Variants in TCEANC2 observed in about 807,000 individuals in gnomAD.
TCEANC2 encodes the protein transcription elongation factor A N-terminal and central domain containing 2.
A neutral mutation model predicts 22.8 loss-of-function variants in TCEANC2; 20 were observed. The observed-to-expected ratio is 0.88, with a 90% CI of 0.62 to 1.28. TCEANC2 has a LOEUF of 1.28. Ranked by LOEUF, TCEANC2 falls within the 50% of genes most tolerant of loss-of-function variation. The pLI is 0.00. For missense variants in TCEANC2, 251 were observed against 249.7 expected (o/e 1.01, Z -0.03); for synonymous variants, 84 against 95.5 (o/e 0.88, Z 0.70).
chr1:54,070,670 A>T (rs1658039677), intron 3 of TCEANC2, among the ~76,000 whole-genome samples: 2 of 152,204 alleles, frequency 1.3e-5, no homozygotes, highest in South Asian at 4.1e-4. Flanking sequence ...TTATAGTTAC[A>T]TCAGTTGCTA....
Position 54,054,543 on chromosome 1 carries a change from C to A in TCEANC2, c.102+19C>A, listed in dbSNP as rs1296554635. On this transcript the variant is annotated intron_variant, in intron 2 of 4. Transcript: ENST00000234827. ...TCTGAAGGTGAGAGGGGATCTGGGG[C>A]TAGAGGAAATGTGCAAAGGACTGAT... 2 of 1,604,548 alleles carry A rather than the reference C, an allele frequency of 1.2e-6. No individual in the cohort carries two copies. Among genetic ancestry groups the A allele is most frequent in the Non-Finnish European group, 8.5e-7 (1 of 1,175,530 alleles).
chr1:54,071,291 C>G (rs1309901732), intron 3 of TCEANC2, among the ~76,000 whole-genome samples: 1 of 152,030 alleles, frequency 6.6e-6, no homozygotes, highest in Non-Finnish European at 1.5e-5. Context: ...GTTGAGAATC[C>G]AGGAGCAGCT....
chr1:54,092,060 C>G (rs1658457042), intron 4 of TCEANC2, among the ~76,000 whole-genome samples: 1 of 152,174 alleles, frequency 6.6e-6, no homozygotes, highest in Non-Finnish European at 1.5e-5. Context: ...TGGCTTTGAC[C>G]AGCTCTCTCA....
At chr1:54,071,505 A>C (rs1557688760) in intron 3 of TCEANC2, among the ~76,000 whole-genome samples, 1 of 152,218 alleles carries the variant, frequency 6.6e-6, no homozygotes, top group Non-Finnish European at 1.5e-5. Context: ...TTTCCCCAGA[A>C]CAAGTGATCC....
At chr1:54,088,559 T>G in intron 3 of TCEANC2, 38 bp from the exon 4 acceptor site, 2 of 1,551,858 alleles carry the variant, frequency 1.3e-6, no homozygotes, top group Non-Finnish European at 1.7e-6. Context: ...GAAGAAGATG[T>G]AACAACCTTT....
chr1:54,082,667 C>A (rs1658268919), intron 3 of TCEANC2, among the ~76,000 whole-genome samples: 1 of 151,768 alleles, frequency 6.6e-6, no homozygotes, highest in African/African-American at 2.4e-5. Context: ...CTCTCTATGG[C>A]TAGAAGTTAG....
At chr1:54,080,395 C>T (rs946525610) in intron 3 of TCEANC2, among the ~76,000 whole-genome samples, 30 of 152,182 alleles carry the variant, frequency 2.0e-4, no homozygotes, top group Non-Finnish European at 3.5e-4. Flanking sequence ...CTCCCCACCT[C>T]AGCCTCCTAA....
intron 2 of TCEANC2, among the ~76,000 whole-genome samples, chr1:54,063,659 G>A (rs909646569): frequency 4.6e-5 from 7 of 152,160 alleles, no homozygotes; most frequent in Admixed American, 2.6e-4. Flanking sequence ...TTGGATTAGG[G>A]ATGCTCAACC....
chr1:54,069,543 G>T (rs1658018037), intron 3 of TCEANC2, among the ~76,000 whole-genome samples: 1 of 151,886 alleles, frequency 6.6e-6, no homozygotes, highest in Non-Finnish European at 1.5e-5. Context: ...GGGAGGCAGA[G>T]GTTGCAGTGA....
intron 2 of TCEANC2, among the ~76,000 whole-genome samples, chr1:54,065,662 G>A (rs748810312): frequency 1.3e-5 from 2 of 152,066 alleles, no homozygotes; most frequent in Non-Finnish European, 1.5e-5. Context: ...AGGCTGCAGT[G>A]TGATCTCACC....
rs1287804089 is a variant in TCEANC2 at position 54,102,490 on chromosome 1, T to G, written c.*6017T>G. The G allele has an allele frequency of 6.6e-6, 1 of 152,198 alleles. No homozygotes were observed. The highest frequency in any genetic ancestry group is 1.5e-5 in the Non-Finnish European group (1 of 68,042). The allele number at this position is 152,198 out of a possible 1,614,324, so 9.4% of individuals were successfully genotyped here. A position where few individuals can be genotyped will look rare whatever the true frequency, so the allele number is the denominator to read the frequency against. ...TTGACCATGTGACCAAAGCTGTTCA[T>G]CATGAGCTGGATTCTGCCATATCCA... On this transcript the variant is annotated 3_prime_UTR_variant, in exon 5 of 5. Coordinates refer to ENST00000234827, the MANE Select transcript of TCEANC2 (RefSeq NM_153035.3).
chr1:54,066,965 G>A lies in TCEANC2; in HGVS notation c.103-1791G>A, dbSNP rs12403921. ...ACCTGAAGACCAGTTTTGGGATCCT[G>A]AACCCATCACCCACCATAAGCCATA... On this transcript the variant is annotated intron_variant, in intron 2 of 4. Transcript: ENST00000234827. Among the ~76,000 whole-genome samples the A allele has an allele frequency of 0.015, 2,238 of 152,254 alleles. 125 individuals carry two copies. In the East Asian group the frequency reaches 0.2, roughly 14 times the overall value.
intron 4 of TCEANC2, 70 bp downstream of exon 4, chr1:54,088,860 G>C: frequency 8.3e-7 from 1 of 1,201,440 alleles, no homozygotes; most frequent in Non-Finnish European, 1.1e-6. Flanking sequence ...AAAAATAAAG[G>C]TAATGTCCTG....
intron 2 of TCEANC2, among the ~76,000 whole-genome samples, chr1:54,063,734 C>T (rs1214499199): frequency 6.6e-6 from 1 of 152,106 alleles, no homozygotes; most frequent in African/African-American, 2.4e-5. Flanking sequence ...TGGCCCCAAC[C>T]GTTTTGGATA....
chr1:54,096,597 G>A lies in TCEANC2; in HGVS notation c.*124G>A, dbSNP rs1262076930. On this transcript the variant is annotated 3_prime_UTR_variant, in exon 5 of 5. Transcript: ENST00000234827. The surrounding 1 kb of genome is among the most constrained non-coding windows in gnomAD (Gnocchi z 4.9). The stretch of plus-strand genomic sequence containing the variant: ...CTGTGCTAGATTTTCCCATGGTGCC[G>A]TTCCTTTGCAGACAGAGGATTCGGA... The A allele has an allele frequency of 1.1e-5, 16 of 1,421,740 alleles. No homozygotes were observed. Among genetic ancestry groups the A allele is most frequent in the African/African-American group, 4.3e-5 (3 of 69,830 alleles). The allele number at this position is 1,421,740 out of a possible 1,614,324, so 88.1% of individuals were successfully genotyped here. A position where few individuals can be genotyped will look rare whatever the true frequency, so the allele number is the denominator to read the frequency against.
chr1:54,104,617 C>T lies in TCEANC2; in HGVS notation c.*8144C>T. On this transcript the variant is annotated 3_prime_UTR_variant, in exon 5 of 5. Coordinates refer to ENST00000234827, the MANE Select transcript of TCEANC2 (RefSeq NM_153035.3). ...AGTGCAGTGGCACCATCTCGGCTCACTGCAACCTCTGCCTCCTGGGTTCAA... is the reference window on the plus strand; with the variant it reads ...AGTGCAGTGGCACCATCTCGGCTCATTGCAACCTCTGCCTCCTGGGTTCAA... The T allele has an allele frequency of 2.2e-6, 1 of 450,040 alleles. No individual in the cohort carries two copies. The highest frequency in any genetic ancestry group is 1.6e-5 in the South Asian group (1 of 63,868). 27.9% of individuals were successfully genotyped at this position (450,040 alleles called of 1,614,324 possible).
intron 3 of TCEANC2, among the ~76,000 whole-genome samples, chr1:54,071,850 C>CTG (rs1170893600): frequency 2.0e-5 from 3 of 151,334 alleles, no homozygotes; most frequent in African/African-American, 7.3e-5. Flanking sequence ...CTTTCTGTGT[C>CTG]ACCCAGGCTG....
intron 3 of TCEANC2, among the ~76,000 whole-genome samples, chr1:54,076,830 G>T (rs1658153088): frequency 6.6e-6 from 1 of 152,210 alleles, no homozygotes; most frequent in Admixed American, 6.5e-5. Flanking sequence ...ACATTCTAGT[G>T]AGGAGACAGG....
At chr1:54,072,867 A>C (rs1658083760) in intron 3 of TCEANC2, among the ~76,000 whole-genome samples, 1 of 152,056 alleles carries the variant, frequency 6.6e-6, no homozygotes, top group African/African-American at 2.4e-5. Context: ...TTGGGGATTT[A>C]AATCTGTTAT....
Sources: allele counts gnomAD v4.1 joint callset (sites outside exome capture counted in the v4.1 genomes callset), GRCh38; gene constraint gnomAD v4.1.1; non-coding constraint Gnocchi (gnomAD v3.1); transcripts MANE v1.5; gene names NCBI Gene and HGNC (gene_info 2026-07-23, HGNC 2026-07-21).